DLGAP1: variants seen among roughly 807,000 people sequenced by gnomAD.
The protein encoded by DLGAP1 is disks large-associated protein 1.
A neutral mutation model predicts 90.8 loss-of-function variants in DLGAP1; 11 were observed. That is an observed-to-expected ratio of 0.12 (90% CI 0.08 to 0.20). DLGAP1 has a LOEUF of 0.20. DLGAP1 is among the 10% of genes least tolerant of loss of function. The pLI is 1.00. For missense variants in DLGAP1, 1,050 were observed against 1,333.8 expected (o/e 0.79, Z 3.31); for synonymous variants, 558 against 540.7 (o/e 1.03, Z -0.44).
intron 1 of DLGAP1, among the ~76,000 whole-genome samples, chr18:4,301,291 T>G (rs753615896): frequency 1.5e-4 from 23 of 152,194 alleles, no homozygotes; most frequent in Non-Finnish European, 1.9e-4. Context: ...ATTTCCCCAT[T>G]ACTCCACCTC....
At chr18:4,079,399 T>C (rs926465180) in intron 2 of DLGAP1, among the ~76,000 whole-genome samples, 4 of 150,380 alleles carry the variant, frequency 2.7e-5, no homozygotes, top group African/African-American at 9.8e-5. Context: ...TTGGATGGAG[T>C]TGGAGGCTAT....
intron 3 of DLGAP1, among the ~76,000 whole-genome samples, chr18:3,987,324 A>G (rs934098967): frequency 6.6e-6 from 1 of 152,166 alleles, no homozygotes; most frequent in Admixed American, 6.5e-5. Flanking sequence ...TTGTTTGGAG[A>G]AAGGATTTTG....
intron 2 of DLGAP1, among the ~76,000 whole-genome samples, chr18:4,023,293 A>T (rs956979373): frequency 2.0e-5 from 3 of 151,692 alleles, no homozygotes; most frequent in Non-Finnish European, 4.4e-5. Flanking sequence ...TTTTCTTTTT[A>T]AAAATGTACC....
intron 1 of DLGAP1, among the ~76,000 whole-genome samples, chr18:4,210,373 T>C (rs902623490): frequency 1.3e-5 from 2 of 152,146 alleles, no homozygotes; most frequent in Non-Finnish European, 2.9e-5. Flanking sequence ...TGATGGGAGA[T>C]GAAGGTGGAA....
chr18:3,512,441 G>A (rs1448056914), intron 10 of DLGAP1, among the ~76,000 whole-genome samples: 2 of 152,082 alleles, frequency 1.3e-5, no homozygotes, highest in African/African-American at 2.4e-5. Flanking sequence ...TAAGAAGTAA[G>A]CACTCTTTAT....
rs2071083199 is a variant in DLGAP1, at chr18:3,879,258, T to C, written c.811A>G (p.Thr271Ala). The change falls in exon 4 of 13, where the codon ACC becomes GCC. Residue 271 changes from threonine (T) to alanine (A), a missense_variant. Coordinates refer to ENST00000315677, the MANE Select transcript of DLGAP1 (RefSeq NM_004746.4). This position sits in a 1 kb window ranked among gnomAD's most constrained non-coding sequence, Gnocchi z 6.6. ...TCANLPVSLDTPLLKKSAWSS... is the reference protein window; with the variant it reads ...TCANLPVSLDAPLLKKSAWSS... ...CAGGCGCTCTTCTTCAGCAGCGGGG[T>C]GTCCAGGCTGACCGGCAGGTTGGCG... 6.3e-7 allele frequency: 1 copy of C among 1,598,092 alleles called. No individual in the cohort carries two copies. The highest frequency in any genetic ancestry group is 1.1e-5 in the South Asian group (1 of 88,426).
At chr18:3,560,159 G>A (rs985003687) in intron 9 of DLGAP1, among the ~76,000 whole-genome samples, 1 of 151,374 alleles carries the variant, frequency 6.6e-6, no homozygotes, top group Non-Finnish European at 1.5e-5. Context: ...AGTGGCTCAC[G>A]CCTGTAATCC....
intron 7 of DLGAP1, among the ~76,000 whole-genome samples, chr18:3,645,915 T>C (rs548673227): frequency 6.4e-4 from 98 of 152,340 alleles, no homozygotes; most frequent in Non-Finnish European, 1.0e-3. Flanking sequence ...TATGTCATGT[T>C]TGGAAACAGT....
intron 9 of DLGAP1, among the ~76,000 whole-genome samples, chr18:3,543,241 G>A (rs2052803793): frequency 1.4e-5 from 2 of 145,130 alleles, no homozygotes; most frequent in Admixed American, 1.5e-4. Flanking sequence ...TGTGATCTCG[G>A]CTCACTGCAA....
At chr18:3,883,979 G>C (rs1373154253) in intron 3 of DLGAP1, among the ~76,000 whole-genome samples, 2 of 152,220 alleles carry the variant, frequency 1.3e-5, no homozygotes, top group Admixed American at 6.5e-5. Flanking sequence ...GCCTGGAAGA[G>C]AGAGAGAAAC....
chr18:3,822,297 G>T (rs1382843391), intron 4 of DLGAP1, among the ~76,000 whole-genome samples: 1 of 152,152 alleles, frequency 6.6e-6, no homozygotes, highest in East Asian at 1.9e-4. Flanking sequence ...GATCTTGAAA[G>T]AATAGAACAT....
chr18:3,952,231 G>A (rs1206765200), intron 3 of DLGAP1, among the ~76,000 whole-genome samples: 2 of 152,166 alleles, frequency 1.3e-5, no homozygotes, highest in Non-Finnish European at 1.5e-5. Flanking sequence ...CCCCTCCTGA[G>A]GGATGATTTT....
intron 3 of DLGAP1, among the ~76,000 whole-genome samples, chr18:3,963,592 T>G (rs1001356655): frequency 1.5e-4 from 22 of 150,118 alleles, no homozygotes; most frequent in African/African-American, 5.3e-4. Flanking sequence ...TGTTTTTTTT[T>G]TTTTTTTTTT....
intron 1 of DLGAP1, among the ~76,000 whole-genome samples, chr18:4,223,620 C>T (rs1421431114): frequency 6.6e-6 from 1 of 152,102 alleles, no homozygotes; most frequent in Non-Finnish European, 1.5e-5. Flanking sequence ...GATTATGTAA[C>T]AACAATAGAT....
intron 1 of DLGAP1, among the ~76,000 whole-genome samples, chr18:4,259,172 G>A (rs2078955696): frequency 6.6e-6 from 1 of 152,186 alleles, no homozygotes; most frequent in Non-Finnish European, 1.5e-5. Context: ...TAACAGGTGG[G>A]GAACCACTGC....
In DLGAP1 at chr18:4,205,363, G is replaced by T. The variant is rs566765991; in HGVS notation, c.-266-54076C>A. Among the ~76,000 whole-genome samples, 14 of 152,302 alleles carry T rather than the reference G, an allele frequency of 9.2e-5. No individual in the cohort carries two copies. The East Asian group carries it at 2.7e-3, about 29-fold the overall frequency. ...GGCACTAAGTGGATGGGATAGGAGG[G>T]GGCGATGAGAAGCTATGGTTGGTCT... is the stretch of plus-strand genomic sequence containing the variant. On this transcript the variant is annotated intron_variant, in intron 1 of 12. Coordinates refer to ENST00000315677, the MANE Select transcript of DLGAP1 (RefSeq NM_004746.4).
intron 10 of DLGAP1, among the ~76,000 whole-genome samples, chr18:3,510,103 A>G (rs1397681028): frequency 6.6e-6 from 1 of 151,662 alleles, no homozygotes; most frequent in African/African-American, 2.4e-5. Context: ...TTTAACTAAT[A>G]AATCAATTGT....
chr18:4,375,119 T>A (rs1043443163), intron 1 of DLGAP1, among the ~76,000 whole-genome samples: 1 of 152,164 alleles, frequency 6.6e-6, no homozygotes, highest in Non-Finnish European at 1.5e-5. Flanking sequence ...ATGATTGCGA[T>A]CTCTTCTTTC....
chr18:3,749,121 C>T (rs1220618168), intron 5 of DLGAP1, among the ~76,000 whole-genome samples: 3 of 150,666 alleles, frequency 2.0e-5, no homozygotes, highest in Non-Finnish European at 3.0e-5. Context: ...CCTCCTCCTC[C>T]TCTTCCTCCT....
Sources: allele counts gnomAD v4.1 joint callset (sites outside exome capture counted in the v4.1 genomes callset), GRCh38; gene constraint gnomAD v4.1.1; non-coding constraint Gnocchi (gnomAD v3.1); transcripts MANE v1.5; gene names NCBI Gene and HGNC (gene_info 2026-07-23, HGNC 2026-07-21).